Variants in DCHS2 observed in about 807,000 individuals in gnomAD.
The protein encoded by DCHS2 is protocadherin-23.
In DCHS2, 142 loss-of-function variants were observed where a neutral mutation model predicts 182.4. The ratio of observed to expected loss-of-function variants is 0.78; its 90% confidence interval spans 0.68 to 0.89. The LOEUF (loss-of-function observed/expected upper bound fraction) is 0.89, where lower values mean the gene tolerates loss of function less well. Ranked by LOEUF, DCHS2 falls within the 40% of genes least tolerant of loss-of-function variation. The pLI is 0.00. For missense variants in DCHS2, 4,319 were observed against 4,198.6 expected, an observed-to-expected ratio of 1.03 and a Z score of -0.79; for synonymous variants, 1,740 against 1,663.3, an observed-to-expected ratio of 1.05 and a Z score of -1.12.
At chr4:154,412,237 T>C (rs1303621567) in intron 1 of DCHS2, among the ~76,000 whole-genome samples, 1 of 152,164 alleles carries the variant, frequency 6.6e-6, no homozygotes, top group African/African-American at 2.4e-5. Flanking sequence ...AAGAGAAACC[T>C]CTGCATGTCT....
intron 1 of DCHS2, among the ~76,000 whole-genome samples, chr4:154,378,257 T>G (rs1731004075): frequency 1.3e-5 from 2 of 152,052 alleles, no homozygotes; most frequent in South Asian, 4.1e-4. Flanking sequence ...TTATACTAAC[T>G]GTGGGAGTAT....
chr4:154,304,776 C>T lies in DCHS2; in HGVS notation c.5498G>A (p.Ser1833Asn). 2 of 1,613,982 alleles carry T rather than the reference C, an allele frequency of 1.2e-6. No individual in the cohort carries two copies. Among genetic ancestry groups the T allele is most frequent in the Non-Finnish European group, 8.5e-7 (1 of 1,179,962 alleles). Reference protein sequence around the residue: ...NDHAPEFIVSSYDIEVLENQE... With the variant: ...NDHAPEFIVSNYDIEVLENQE... ...GTTTTCCAGAACCTCAATGTCATAA[C>T]TGGAAACAATAAACTCTGGTGCGTG... The change falls in exon 12 of 20, where the codon AGT becomes AAT. Residue 1833 changes from serine (S) to asparagine (N), a missense_variant. Ser to Asn is a conservative substitution (Grantham distance 46, BLOSUM62 1). Transcript: ENST00000357232.
In DCHS2 at chr4:154,260,176, C is replaced by T. The variant is rs530476239; in HGVS notation, c.6578-420G>A. On this transcript the variant is annotated intron_variant, in intron 14 of 19. Transcript: ENST00000357232. ...CTTTGCCTCATGTGCTCACAGCTCA[C>T]CTGTCCCGCAAAAGCCTCCCATTGC... Among the ~76,000 whole-genome samples, 4 of 152,288 alleles carry T rather than the reference C, an allele frequency of 2.6e-5. 1 individual carries two copies. Among genetic ancestry groups the T allele is most frequent in the Middle Eastern group, 6.8e-3 (2 of 294 alleles).
intron 10 of DCHS2, among the ~76,000 whole-genome samples, chr4:154,310,838 C>T (rs777931502): frequency 5.9e-5 from 9 of 152,142 alleles, no homozygotes; most frequent in Non-Finnish European, 7.3e-5. Flanking sequence ...TAGCAAGTAA[C>T]TTAGATGTCT....
At chr4:154,475,560 T>C (rs1217523611) in intron 1 of DCHS2, among the ~76,000 whole-genome samples, 1 of 152,202 alleles carries the variant, frequency 6.6e-6, no homozygotes, top group East Asian at 1.9e-4. Flanking sequence ...CATTATTTGT[T>C]AAGACAAAAG....
chr4:154,355,712 AT>A (rs1188691684), intron 3 of DCHS2: 1 of 152,078 alleles, frequency 6.6e-6, no homozygotes, highest in Admixed American at 6.6e-5. Context: ...TGCACTTACG[AT>A]GGTGGTCCCA....
rs919926308 is a variant in DCHS2 at position 154,231,823 on chromosome 4, G to A, written c.*2713C>T. The A allele has an allele frequency of 6.6e-6, 1 of 152,132 alleles. No individual in the cohort carries two copies. The highest frequency in any genetic ancestry group is 1.5e-5 in the Non-Finnish European group (1 of 68,006). The allele number at this position is 152,132 out of a possible 1,614,324, so 9.4% of individuals were successfully genotyped here. A position where few individuals can be genotyped will look rare whatever the true frequency, so the allele number is the denominator to read the frequency against. On this transcript the variant is annotated 3_prime_UTR_variant, in exon 20 of 20. Transcript: ENST00000357232. ...TGAATACATGGAGGCAGCCAGTAAT[G>A]TAGAGTGCATTTTAATAATTTTTAA...
intron 1 of DCHS2, among the ~76,000 whole-genome samples, chr4:154,429,317 C>T (rs1226633565): frequency 6.6e-6 from 1 of 152,164 alleles, no homozygotes; most frequent in Non-Finnish European, 1.5e-5. Context: ...CCTACTCCCC[C>T]TCTTTCCTTC....
At chr4:154,312,197 C>T (rs1305361155) in intron 10 of DCHS2, among the ~76,000 whole-genome samples, 3 of 152,126 alleles carry the variant, frequency 2.0e-5, no homozygotes, top group Non-Finnish European at 4.4e-5. Context: ...TAATCTAACC[C>T]GCCTTTAAAT....
At chr4:154,326,304 T>C (rs1736280332) in intron 7 of DCHS2, among the ~76,000 whole-genome samples, 1 of 152,222 alleles carries the variant, frequency 6.6e-6, no homozygotes, top group Admixed American at 6.5e-5. Context: ...TGGTTTTTCT[T>C]ACTGGTTTGC....
chr4:154,482,482 T>C (rs1050962342), intron 1 of DCHS2, among the ~76,000 whole-genome samples: 7 of 152,136 alleles, frequency 4.6e-5, no homozygotes, highest in Admixed American at 3.9e-4. Flanking sequence ...AACTCTTCTT[T>C]GAGTAGGAAA....
intron 3 of DCHS2, chr4:154,357,158 T>C: frequency 8.9e-7 from 1 of 1,122,736 alleles, no homozygotes; most frequent in Non-Finnish European, 1.3e-6. Context: ...TATAGGTGCT[T>C]TCATGGCCTT....
chr4:154,412,999 G>A (rs1182576418), intron 1 of DCHS2, among the ~76,000 whole-genome samples: 2 of 152,178 alleles, frequency 1.3e-5, no homozygotes, highest in African/African-American at 2.4e-5. Flanking sequence ...AAGAGGAGGA[G>A]GAAGGAAGGA....
intron 16 of DCHS2, among the ~76,000 whole-genome samples, chr4:154,252,898 G>T (rs1578861251): frequency 1.3e-5 from 2 of 152,110 alleles, no homozygotes; most frequent in East Asian, 3.9e-4. Flanking sequence ...AAAACAAAGG[G>T]CTGGAATTGG....
chr4:154,387,101 A>G (rs1163924425), intron 1 of DCHS2, among the ~76,000 whole-genome samples: 1 of 152,212 alleles, frequency 6.6e-6, no homozygotes, highest in African/African-American at 2.4e-5. Flanking sequence ...TTAGATGAAT[A>G]GGCTGAATAC....
chr4:154,320,248 C>A, intron 9 of DCHS2, 131 bp downstream of exon 9: 1 of 1,381,698 alleles, frequency 7.2e-7, no homozygotes, highest in Non-Finnish European at 9.6e-7. Context: ...TAGAGATACG[C>A]TGTGCAACAT....
chr4:154,459,042 A>C lies in DCHS2; in HGVS notation c.2052+30262T>G, dbSNP rs533071703. On this transcript the variant is annotated intron_variant, in intron 1 of 19. Transcript: ENST00000357232. ...AACTGACCCCAAAATATTCTATTAC[A>C]TTTCCAAGAAGATAATGTCTTTGCA... 3.9e-5 allele frequency among the ~76,000 whole-genome samples: 6 copies of C among 152,324 alleles called. No homozygotes were observed. In the South Asian group the frequency reaches 1.2e-3, roughly 32 times the overall value.
At chr4:154,431,330 C>T (rs1296867347) in intron 1 of DCHS2, among the ~76,000 whole-genome samples, 1 of 152,074 alleles carries the variant, frequency 6.6e-6, no homozygotes, top group Non-Finnish European at 1.5e-5. Context: ...AAACTTATTT[C>T]ATAAAGAAAA....
chr4:154,327,693 T>G (rs2054961), intron 7 of DCHS2, among the ~76,000 whole-genome samples: 49,154 of 152,046 alleles, frequency 0.32, 8,774 homozygotes, highest in Non-Finnish European at 0.41. Flanking sequence ...CATGATTTAC[T>G]CTGACCTTAC....
Sources: gnomAD v4.1 joint callset for allele counts (sites outside exome capture counted in the v4.1 genomes callset) on GRCh38, gnomAD v4.1.1 for gene constraint, MANE v1.5 for transcripts, NCBI Gene and HGNC (gene_info 2026-07-23, HGNC 2026-07-21) for gene names.